Variants in CAST observed in about 807,000 individuals in gnomAD.
CAST encodes the protein calpastatin.
Under a neutral mutation model 119.6 loss-of-function variants are expected in CAST, and 76 were observed. The observed-to-expected ratio is 0.64, with a 90% confidence interval of 0.53 to 0.77. The LOEUF is 0.77. Among genes scored for constraint, CAST ranks in the 30% least tolerant of loss-of-function variants. The probability of loss-of-function intolerance (pLI) is 0.00; values close to 1 mark genes in which losing one functional copy is unlikely to be tolerated. For synonymous variants in CAST, 319 were observed against 331.6 expected (o/e 0.96, Z 0.41); for missense variants, 953 against 946.5 (o/e 1.01, Z -0.09).
Position 96,741,179 on chromosome 5 carries a change from G to C in CAST, c.919-87G>C, listed in dbSNP as rs1025253617. On this transcript the variant is annotated intron_variant, in intron 13 of 31. Transcript: ENST00000675179. ...ATTTGGTAGCAAGGGAATTGGAAAAGTGCATTCTTCATTTGCTAGGTTTAT... is the reference window on the plus strand; with the variant it reads ...ATTTGGTAGCAAGGGAATTGGAAAACTGCATTCTTCATTTGCTAGGTTTAT... 13 of 752,192 alleles carry C rather than the reference G, an allele frequency of 1.7e-5. 1 individual carries two copies. The East Asian group carries it at 1.8e-4, about 10-fold the overall frequency. 46.6% of individuals were successfully genotyped at this position (752,192 alleles called of 1,614,324 possible).
At chr5:96,442,066 G>A in the CAST span, among the ~76,000 whole-genome samples, 1 of 152,192 alleles carries the variant, frequency 6.6e-6, no homozygotes, top group Non-Finnish European at 1.5e-5. Context: ...TGAGTCACAG[G>A]TAAGCAAGGC....
chr5:96,240,437 C>A, the CAST span, among the ~76,000 whole-genome samples: 1 of 152,234 alleles, frequency 6.6e-6, no homozygotes, highest in Non-Finnish European at 1.5e-5. Flanking sequence ...TTACTGTCTA[C>A]TCTTAGCCAG....
At chr5:96,126,503 C>G in the CAST span, among the ~76,000 whole-genome samples, 3 of 151,932 alleles carry the variant, frequency 2.0e-5, no homozygotes, top group Non-Finnish European at 4.4e-5. Context: ...TGATATTTTG[C>G]CTTTTTTAAA....
intron 1 of CAST, among the ~76,000 whole-genome samples, chr5:96,641,399 G>A (rs6887903): frequency 0.01 from 1,543 of 152,108 alleles, 15 homozygotes; most frequent in Middle Eastern, 0.034. Context: ...CTTGAAGTTT[G>A]CAGCTTTCCA....
intron 24 of CAST, 173 bp from the exon 25 acceptor site, chr5:96,762,101 C>A: frequency 2.3e-6 from 1 of 439,932 alleles, no homozygotes; most frequent in Non-Finnish European, 4.1e-6. Flanking sequence ...TAAAATAATA[C>A]AATAGAGAAG....
the CAST span, among the ~76,000 whole-genome samples, chr5:96,126,515 C>T: frequency 6.6e-6 from 1 of 151,970 alleles, no homozygotes; most frequent in African/African-American, 2.4e-5. Context: ...TTTTTTAAAA[C>T]CTCATCTTTT....
chr5:96,062,691 T>G, the CAST span, among the ~76,000 whole-genome samples: 1 of 152,034 alleles, frequency 6.6e-6, no homozygotes, highest in East Asian at 1.9e-4. Flanking sequence ...TGAAAGAAAA[T>G]AGTAAGGCTG....
At chr5:96,450,716 G>A in the CAST span, among the ~76,000 whole-genome samples, 21 of 152,074 alleles carry the variant, frequency 1.4e-4, no homozygotes, top group African/African-American at 5.1e-4. Flanking sequence ...CAAATTTTTT[G>A]TTGAGAAGTT....
the CAST span, among the ~76,000 whole-genome samples, chr5:96,301,474 C>A: frequency 1.3e-5 from 2 of 152,128 alleles, no homozygotes; most frequent in African/African-American, 4.8e-5. Context: ...CCATTATTAA[C>A]CCAAAAGTCC....
chr5:96,254,123 GTATT>G, the CAST span, among the ~76,000 whole-genome samples: 2 of 152,006 alleles, frequency 1.3e-5, no homozygotes, highest in African/African-American at 4.8e-5. Context: ...TGGATTTTAA[GTATT>G]TATCTCTGAC....
chr5:96,283,946 C>T, the CAST span, among the ~76,000 whole-genome samples: 1 of 152,186 alleles, frequency 6.6e-6, no homozygotes, highest in Non-Finnish European at 1.5e-5. Context: ...CACCCCTTCT[C>T]TTCACCATGG....
chr5:96,752,698 A>G (rs906872834), intron 20 of CAST, among the ~76,000 whole-genome samples: 1 of 150,790 alleles, frequency 6.6e-6, no homozygotes, highest in Non-Finnish European at 1.5e-5. Context: ...TATCAGAAAA[A>G]CAGCTTTTCT....
At chr5:96,756,973 A>T (rs1192771148) in intron 22 of CAST, among the ~76,000 whole-genome samples, 1 of 152,202 alleles carries the variant, frequency 6.6e-6, no homozygotes, top group East Asian at 1.9e-4. Context: ...TGTATTGCCA[A>T]TGCTTACTTA....
At chr5:96,620,056 A>C (rs1189960570) in intron 1 of CAST, among the ~76,000 whole-genome samples, 1 of 152,196 alleles carries the variant, frequency 6.6e-6, no homozygotes, top group Non-Finnish European at 1.5e-5. Flanking sequence ...AATGCATGTT[A>C]ATTTGCAGGC....
chr5:96,375,867 A>T, the CAST span, among the ~76,000 whole-genome samples: 1 of 148,760 alleles, frequency 6.7e-6, no homozygotes, highest in African/African-American at 2.5e-5. Flanking sequence ...ACAATCCTAT[A>T]AACTAATTGC....
At chr5:96,667,741 C>T (rs1320019764) in intron 1 of CAST, among the ~76,000 whole-genome samples, 4 of 342 alleles carry the variant, frequency 0.012, no homozygotes, top group African/African-American at 0.037. Flanking sequence ...AGGCTGGGTG[C>T]GGTTGGCTCA....
chr5:96,093,208 G>C, the CAST span, among the ~76,000 whole-genome samples: 14 of 152,178 alleles, frequency 9.2e-5, no homozygotes, highest in Non-Finnish European at 1.6e-4. Flanking sequence ...AGCATTCGGT[G>C]ACCCAATTCT....
the CAST span, among the ~76,000 whole-genome samples, chr5:96,106,498 A>G: frequency 1.3e-5 from 2 of 151,854 alleles, no homozygotes; most frequent in Non-Finnish European, 2.9e-5. Flanking sequence ...GTCATTCAGG[A>G]GCAGGTTGTT....
chr5:96,388,127 T>C, the CAST span, among the ~76,000 whole-genome samples: 1 of 152,196 alleles, frequency 6.6e-6, no homozygotes, highest in Non-Finnish European at 1.5e-5. Context: ...GCACACATGG[T>C]AGAGAGAACC....
Sources: allele counts gnomAD v4.1 joint callset (sites outside exome capture counted in the v4.1 genomes callset), GRCh38; gene constraint gnomAD v4.1.1; transcripts MANE v1.5; gene names NCBI Gene and HGNC (gene_info 2026-07-23, HGNC 2026-07-21).